MTUS2: variants seen among roughly 807,000 people sequenced by gnomAD.
MTUS2 encodes the protein microtubule-associated tumor suppressor candidate 2.
MTUS2 carries 40 observed loss-of-function variants against 114.1 expected under a neutral mutation model. The ratio of observed to expected loss-of-function variants is 0.35; its 90% CI spans 0.27 to 0.46. The LOEUF (loss-of-function observed/expected upper bound fraction) is 0.46, where lower values mean the gene tolerates loss of function less well. Among genes scored for constraint, MTUS2 ranks in the 20% least tolerant of loss-of-function variants. The probability of loss-of-function intolerance (pLI) is 1.00; values close to 1 mark genes in which losing one functional copy is unlikely to be tolerated. For synonymous variants in MTUS2, 688 were observed against 672.0 expected (o/e 1.02, Z -0.37); for missense variants, 1,679 against 1,705.4 (o/e 0.98, Z 0.27).
chr13:29,418,636 GC>G (rs1480474200), intron 8 of MTUS2, among the ~76,000 whole-genome samples: 1 of 152,098 alleles, frequency 6.6e-6, no homozygotes, highest in Non-Finnish European at 1.5e-5. Context: ...CCTCCACCTG[GC>G]CCCGCTTCCC....
At chr13:29,433,421 A>G (rs1056697457) in intron 8 of MTUS2, among the ~76,000 whole-genome samples, 26 of 152,368 alleles carry the variant, frequency 1.7e-4, no homozygotes, top group African/African-American at 5.8e-4. Flanking sequence ...AAAGCAGATC[A>G]TTATACAAAA....
At chr13:29,203,910 A>G (rs532764743) in intron 5 of MTUS2, among the ~76,000 whole-genome samples, 29 of 151,952 alleles carry the variant, frequency 1.9e-4, no homozygotes, top group African/African-American at 7.0e-4. Context: ...GAAATGGCAG[A>G]AATCACCCAC....
intron 5 of MTUS2, among the ~76,000 whole-genome samples, chr13:29,250,842 C>T (rs1219927066): frequency 6.6e-6 from 1 of 152,124 alleles, no homozygotes; most frequent in Non-Finnish European, 1.5e-5. Flanking sequence ...TTCAATTTAA[C>T]ACCAACCCGC....
At chr13:29,093,926 A>G (rs1890068319) in intron 4 of MTUS2, among the ~76,000 whole-genome samples, 1 of 152,138 alleles carries the variant, frequency 6.6e-6, no homozygotes, top group Non-Finnish European at 1.5e-5. Context: ...TTTAATTACC[A>G]GTTTAAATGT....
At chr13:29,053,704 A>T (rs1593426228) in intron 4 of MTUS2, among the ~76,000 whole-genome samples, 2 of 152,168 alleles carry the variant, frequency 1.3e-5, no homozygotes, top group Admixed American at 1.3e-4. Context: ...GTCACTCATC[A>T]TAATGTTTTT....
chr13:29,388,151 G>A (rs988928397), intron 8 of MTUS2, among the ~76,000 whole-genome samples: 1 of 152,224 alleles, frequency 6.6e-6, no homozygotes, highest in East Asian at 1.9e-4. Context: ...CAGATGACCA[G>A]GATGGGGAGG....
rs376775458 is a variant in MTUS2, at chr13:29,025,339, A to G, written c.641A>G (p.Glu214Gly). The G allele has an allele frequency of 1.2e-5, 19 of 1,613,512 alleles. No individual in the cohort carries two copies. In the East Asian group the frequency reaches 3.6e-4, roughly 30 times the overall value. The stretch of plus-strand genomic sequence containing the variant: ...CGGGGTCAGATACCTGGGGGTGGGG[A>G]GGGGCCACAGAAGACATTGCCAGAC... ...EARGQIPGGG[E>G]GPQKTLPDHA... The change falls in exon 3 of 16, where the codon GAG becomes GGG. Residue 214 changes from glutamate to glycine, a missense_variant. Coordinates refer to ENST00000612955, the MANE Select transcript of MTUS2 (RefSeq NM_001033602.4).
chr13:29,224,520 A>G (rs1896031758), intron 5 of MTUS2, among the ~76,000 whole-genome samples: 1 of 152,046 alleles, frequency 6.6e-6, no homozygotes, highest in African/African-American at 2.4e-5. Context: ...AATTCTAATT[A>G]TATCTCTCCT....
At chr13:28,883,302 TTTG>T (rs1252807197) in intron 2 of MTUS2, among the ~76,000 whole-genome samples, 2 of 152,354 alleles carry the variant, frequency 1.3e-5, no homozygotes, top group East Asian at 3.9e-4. Flanking sequence ...CTATTGAGTA[TTTG>T]TTCCAGAGAA....
At chr13:28,944,721 G>C (rs1021300191) in intron 2 of MTUS2, among the ~76,000 whole-genome samples, 5 of 152,122 alleles carry the variant, frequency 3.3e-5, no homozygotes, top group Non-Finnish European at 7.4e-5. Context: ...CTGTGGGAGT[G>C]GTCTGAACAG....
chr13:29,225,608 T>G (rs1482081549), intron 5 of MTUS2, among the ~76,000 whole-genome samples: 2 of 152,244 alleles, frequency 1.3e-5, no homozygotes, highest in African/African-American at 4.8e-5. Flanking sequence ...TGGACATCAG[T>G]GACAGGATTT....
At chr13:29,031,999 TC>T (rs1289911439) in intron 3 of MTUS2, among the ~76,000 whole-genome samples, 1 of 151,994 alleles carries the variant, frequency 6.6e-6, no homozygotes, top group Non-Finnish European at 1.5e-5. Flanking sequence ...CAAAGTGAGT[TC>T]TCTAAAAACC....
chr13:29,168,479 T>C (rs1305110163), intron 5 of MTUS2, among the ~76,000 whole-genome samples: 2 of 152,210 alleles, frequency 1.3e-5, no homozygotes, highest in Admixed American at 1.3e-4. Context: ...AGAACTGCCA[T>C]TGACTTCATC....
intron 9 of MTUS2, among the ~76,000 whole-genome samples, chr13:29,443,940 G>A (rs1878088169): frequency 6.6e-6 from 1 of 152,184 alleles, no homozygotes; most frequent in Non-Finnish European, 1.5e-5. Context: ...GGAAGAAGGT[G>A]CAGAAAGTCA....
At chr13:28,868,221 T>C (rs1235072979) in intron 2 of MTUS2, among the ~76,000 whole-genome samples, 1 of 152,206 alleles carries the variant, frequency 6.6e-6, no homozygotes, top group African/African-American at 2.4e-5. Flanking sequence ...CGTGATATAG[T>C]AATTCATAAT....
At chr13:29,250,021 A>C (rs1301310990) in intron 5 of MTUS2, among the ~76,000 whole-genome samples, 1 of 152,238 alleles carries the variant, frequency 6.6e-6, no homozygotes, top group East Asian at 1.9e-4. Context: ...TAAAATCGAC[A>C]AATGAGATGT....
chr13:29,320,831 G>A (rs889563696), intron 6 of MTUS2, among the ~76,000 whole-genome samples: 10 of 152,296 alleles, frequency 6.6e-5, no homozygotes, highest in African/African-American at 4.8e-5. Context: ...CTGAGCTGAG[G>A]TACAAAGTGA....
At chr13:29,272,305 T>TA (rs565545104) in intron 5 of MTUS2, among the ~76,000 whole-genome samples, 40 of 152,176 alleles carry the variant, frequency 2.6e-4, no homozygotes, top group African/African-American at 8.2e-4. Context: ...CTAGGATTGT[T>TA]AAAAAAAATC....
chr13:29,022,029 A>G (rs1467400262), intron 2 of MTUS2, among the ~76,000 whole-genome samples: 1 of 152,200 alleles, frequency 6.6e-6, no homozygotes, highest in African/African-American at 2.4e-5. Flanking sequence ...ACAGAAGAGC[A>G]GTGTGGTACG....
Sources: allele counts gnomAD v4.1 joint callset (sites outside exome capture counted in the v4.1 genomes callset), GRCh38; gene constraint gnomAD v4.1.1; transcripts MANE v1.5; gene names NCBI Gene and HGNC (gene_info 2026-07-23, HGNC 2026-07-21).